DRC1: variants seen among roughly 807,000 people sequenced by gnomAD.
DRC1 encodes dynein regulatory complex protein 1.
In DRC1, 74 loss-of-function variants were observed where a neutral mutation model predicts 98.7. That is an observed-to-expected ratio of 0.75 (90% confidence interval 0.62 to 0.91). The LOEUF is 0.91. Ranked by LOEUF, DRC1 falls within the 40% of genes least tolerant of loss-of-function variation. DRC1 has a pLI of 0.00. For missense variants in DRC1, 875 were observed against 886.0 expected (o/e 0.99, Z 0.16); for synonymous variants, 336 against 334.1 (o/e 1.01, Z -0.06).
intron 6 of DRC1, among the ~76,000 whole-genome samples, chr2:26,431,545 C>T (rs1374521047): frequency 1.3e-5 from 2 of 152,054 alleles, no homozygotes; most frequent in Non-Finnish European, 2.9e-5. Context: ...AGTGACTTGA[C>T]CAAGATCCAA....
At chr2:26,427,424 T>A (rs1015634071) in intron 4 of DRC1, among the ~76,000 whole-genome samples, 12 of 152,248 alleles carry the variant, frequency 7.9e-5, no homozygotes, top group South Asian at 2.1e-4. Flanking sequence ...GCTTTTTTTT[T>A]AAATTTAAAA....
chr2:26,403,843 G>A (rs1678335327), intron 1 of DRC1, among the ~76,000 whole-genome samples: 1 of 149,260 alleles, frequency 6.7e-6, no homozygotes, highest in African/African-American at 2.5e-5. Flanking sequence ...GCTCATGCCT[G>A]TAATCCCAAA....
intron 1 of DRC1, among the ~76,000 whole-genome samples, chr2:26,410,817 A>AAACAC (rs973697555): frequency 6.7e-6 from 1 of 150,148 alleles, no homozygotes; most frequent in East Asian, 1.9e-4. Context: ...GAGTGAAACA[A>AAACAC]AACAAAACAC....
At position 26,453,394 on chromosome 2, in the gene DRC1, G is replaced by A. The variant is rs978296700; in HGVS notation, c.1764G>A (p.Leu588=). 1 of 1,614,202 alleles carries A rather than the reference G, an allele frequency of 6.2e-7. No homozygotes were observed. The highest frequency in any genetic ancestry group is 8.5e-7 in the Non-Finnish European group (1 of 1,180,050). Residue 588 remains leucine, a synonymous_variant, in exon 14 of 17, where the codon CTG becomes CTA. Coordinates refer to ENST00000288710, the MANE Select transcript of DRC1 (RefSeq NM_145038.5). The stretch of plus-strand genomic sequence containing the variant: ...CAAGCACGAGGTCAGAATTGGAGCT[G>A]GCAGAGCAGACGGAGATGGAGGGAG... ...EETSTRSELE[L]AEQTEMEGEK...
chr2:26,421,251 G>C (rs755637691), intron 2 of DRC1, 37 bp from the exon 3 acceptor site: 4 of 1,574,228 alleles, frequency 2.5e-6, no homozygotes, highest in Non-Finnish European at 3.5e-6. Context: ...TTTACAAAGT[G>C]TTCTAGCTTT....
intron 4 of DRC1, 115 bp from the exon 5 acceptor site, chr2:26,429,513 T>C (rs1232088802): frequency 5.8e-6 from 8 of 1,387,808 alleles, no homozygotes; most frequent in Non-Finnish European, 7.9e-6. Context: ...GCCCTCTTTG[T>C]ACAGTTTCAT....
intron 2 of DRC1, among the ~76,000 whole-genome samples, chr2:26,418,731 T>TTAATTTATATAATATATAAATTATATA: frequency 1.0e-5 from 1 of 100,204 alleles, no homozygotes; most frequent in African/African-American, 3.9e-5. Flanking sequence ...TAAATTATAT[T>TTAATTTATATAATATATAAATTATATA]TAATTTATAT....
rs569092188 is a variant in DRC1, at chr2:26,445,026, G to C, written c.1396+78G>C. 2.4e-5 allele frequency: 35 copies of C among 1,447,480 alleles called. No homozygotes were observed. The South Asian group carries it at 4.3e-4, about 18-fold the overall frequency. The allele number at this position is 1,447,480 out of a possible 1,614,324, so 89.7% of individuals were successfully genotyped here. On this transcript the variant is annotated intron_variant, in intron 10 of 16. Coordinates refer to ENST00000288710, the MANE Select transcript of DRC1 (RefSeq NM_145038.5). ...ATCGGGTCAAGCCAGTCACGTTAGA[G>C]ATAGTCTAGGGAGGAGGGGGAAGAG... is the stretch of plus-strand genomic sequence containing the variant.
chr2:26,414,528 G>A, intron 2 of DRC1, 97 bp downstream of exon 2: 1 of 1,161,168 alleles, frequency 8.6e-7, no homozygotes, highest in Non-Finnish European at 1.3e-6. Flanking sequence ...TGTGGTCCAT[G>A]TTGCTGTCTC....
chr2:26,422,127 G>A (rs1034315226), intron 3 of DRC1, among the ~76,000 whole-genome samples: 16 of 152,218 alleles, frequency 1.1e-4, no homozygotes, highest in African/African-American at 2.9e-4. Context: ...TGTGAGGGAT[G>A]AATAGGAATT....
rs143613949 is a variant in DRC1, at chr2:26,444,834, C to A, written c.1282C>A (p.Leu428Met). 3 of 1,614,218 alleles carry A rather than the reference C, an allele frequency of 1.9e-6. No individual in the cohort carries two copies. In the South Asian group the frequency reaches 3.3e-5, roughly 18 times the overall value. Residue 428 changes from leucine to methionine, a missense_variant, in exon 10 of 17, where the codon CTG (leucine) becomes ATG (methionine). By Grantham distance (15) the Leu-to-Met change is conservative. Transcript: ENST00000288710. Reference protein sequence around the residue: ...DVDRIIHTHHLGLPWAAPDFW... With the variant: ...DVDRIIHTHHMGLPWAAPDFW... ...GGACAGGATCATCCACACCCATCAT[C>A]TGGGGCTTCCCTGGGCAGCACCTGA...
At chr2:26,439,948 TACACACAC>T (rs201091945) in intron 7 of DRC1, among the ~76,000 whole-genome samples, 529 of 124,646 alleles carry the variant, frequency 4.2e-3, no homozygotes, top group Non-Finnish European at 6.2e-3. Context: ...CACACACACA[TACACACAC>T]ACACACATAT....
intron 2 of DRC1, among the ~76,000 whole-genome samples, chr2:26,415,608 T>C (rs189766248): frequency 6.6e-6 from 1 of 152,234 alleles, no homozygotes; most frequent in Non-Finnish European, 1.5e-5. Context: ...TTCATGTCAC[T>C]TTTTTGTACT....
intron 3 of DRC1, among the ~76,000 whole-genome samples, chr2:26,421,692 C>T (rs1663148026): frequency 6.6e-6 from 1 of 151,770 alleles, no homozygotes; most frequent in African/African-American, 2.4e-5. Context: ...TCCTGAGTAG[C>T]TGGGATTACA....
chr2:26,456,662 C>A lies in DRC1; in HGVS notation c.*145C>A. The A allele has an allele frequency of 2.3e-6, 2 of 862,878 alleles. No individual in the cohort carries two copies. The highest frequency in any genetic ancestry group is 3.6e-6 in the Non-Finnish European group (2 of 551,112). The allele number at this position is 862,878 out of a possible 1,614,324, so 53.5% of individuals were successfully genotyped here. The stretch of plus-strand genomic sequence containing the variant: ...CTTTATAGCCTGTCGAAATAAGGAG[C>A]CAGAGGAGTTACCTGTGTCCTGCAT... On this transcript the variant is annotated 3_prime_UTR_variant, in exon 17 of 17. Transcript: ENST00000288710.
Position 26,456,671 on chromosome 2 carries a change from T to C in DRC1, c.*154T>C, listed in dbSNP as rs1319177576. On this transcript the variant is annotated 3_prime_UTR_variant, in exon 17 of 17. Transcript: ENST00000288710. ...CTGTCGAAATAAGGAGCCAGAGGAG[T>C]TACCTGTGTCCTGCATTATGATTAA... The C allele has an allele frequency of 1.8e-5, 14 of 789,644 alleles. 1 individual carries two copies. In the Admixed American group the frequency reaches 3.7e-4, roughly 21 times the overall value. 48.9% of individuals were successfully genotyped at this position (789,644 alleles called of 1,614,324 possible).
intron 1 of DRC1, among the ~76,000 whole-genome samples, chr2:26,408,260 G>A (rs138286726): frequency 6.6e-6 from 1 of 152,226 alleles, no homozygotes; most frequent in African/African-American, 2.4e-5. Flanking sequence ...AAAGTCAAGC[G>A]GAGGATCTAG....
chr2:26,436,982 A>G (rs1663590230), intron 7 of DRC1, among the ~76,000 whole-genome samples: 1 of 152,168 alleles, frequency 6.6e-6, no homozygotes, highest in Admixed American at 6.5e-5. Flanking sequence ...GTTACATCCC[A>G]TATGGAGCTT....
chr2:26,410,341 G>A (rs192413909), intron 1 of DRC1, among the ~76,000 whole-genome samples: 1,622 of 150,710 alleles, frequency 0.011, 32 homozygotes, highest in African/African-American at 0.037. Context: ...GCATGATCTC[G>A]GCTCACTGCA....
Sources: gnomAD v4.1 joint callset for allele counts (sites outside exome capture counted in the v4.1 genomes callset) on GRCh38, gnomAD v4.1.1 for gene constraint, MANE v1.5 for transcripts, NCBI Gene and HGNC (gene_info 2026-07-23, HGNC 2026-07-21) for gene names.